Variants in CDC20B observed in about 807,000 individuals in gnomAD.
CDC20B encodes the protein cell division cycle 20B.
A neutral mutation model predicts 64.1 loss-of-function variants in CDC20B; 58 were observed. The ratio of observed to expected loss-of-function variants is 0.90; its 90% CI spans 0.73 to 1.13. The LOEUF (loss-of-function observed/expected upper bound fraction) is 1.13. CDC20B is among the 50% of genes most tolerant of loss of function. CDC20B has a pLI of 0.00. For missense variants in CDC20B, 597 were observed against 633.0 expected (o/e 0.94, Z 0.61); for synonymous variants, 243 against 230.6 (o/e 1.05, Z -0.49).
chr5:55,172,835 T>A, intron 1 of CDC20B, 103 bp downstream of exon 1: 2 of 1,187,572 alleles, frequency 1.7e-6, no homozygotes, highest in East Asian at 2.5e-5. Flanking sequence ...CGACCAGGGC[T>A]TAGAGTTTCG....
intron 2 of CDC20B, among the ~76,000 whole-genome samples, chr5:55,156,208 AG>A (rs2111916529): frequency 6.6e-6 from 1 of 152,270 alleles, no homozygotes; most frequent in African/African-American, 2.4e-5. Context: ...AGAACAGTAT[AG>A]GGGTAACTAC....
At chr5:55,149,673 A>C (rs1743606183) in intron 2 of CDC20B, among the ~76,000 whole-genome samples, 1 of 152,208 alleles carries the variant, frequency 6.6e-6, no homozygotes, top group Admixed American at 6.5e-5. Context: ...ATAGGCGGAG[A>C]ACACAGATTG....
chr5:55,152,735 T>C (rs907143626), intron 2 of CDC20B, among the ~76,000 whole-genome samples: 1 of 152,326 alleles, frequency 6.6e-6, no homozygotes, highest in Admixed American at 6.5e-5. Context: ...ACTTTTTTAC[T>C]TTCTCTCCTG....
chr5:55,163,583 T>C (rs1424811195), intron 2 of CDC20B, among the ~76,000 whole-genome samples: 2 of 151,978 alleles, frequency 1.3e-5, no homozygotes, highest in Non-Finnish European at 2.9e-5. Context: ...CTCAGCTCAC[T>C]GCAACCTCCA....
chr5:55,132,679 T>G (rs1293296179), intron 6 of CDC20B, among the ~76,000 whole-genome samples: 1 of 152,242 alleles, frequency 6.6e-6, no homozygotes, highest in African/African-American at 2.4e-5. Flanking sequence ...AATTTTCCTT[T>G]GATGTTTCTC....
chr5:55,164,196 T>TA lies in CDC20B; in HGVS notation c.126+8391dup, dbSNP rs1257310573. 12 of 1,555,942 alleles carry TA rather than the reference T, an allele frequency of 7.7e-6. No homozygotes were observed. The African/African-American group carries it at 1.1e-4, about 14-fold the overall frequency. ...GCAGCTCTGGTTAGACAAGTGATCA[T>TA]AAAAAAGAAAGAGGATCTATGAGAA... On this transcript the variant is annotated intron_variant, in intron 2 of 11. Transcript: ENST00000381375.
intron 6 of CDC20B, among the ~76,000 whole-genome samples, chr5:55,130,958 TA>T (rs1038158174): frequency 6.6e-6 from 1 of 151,670 alleles, no homozygotes; most frequent in African/African-American, 2.4e-5. Flanking sequence ...CCCATCTCTA[TA>T]AAAAATCAAA....
At chr5:55,166,353 C>T (rs1402567713) in intron 2 of CDC20B, 1 of 152,208 alleles carries the variant, frequency 6.6e-6, no homozygotes, top group Admixed American at 6.5e-5. Context: ...TTACATCTCT[C>T]TAATCTTGGC....
chr5:55,168,363 T>C (rs1438857256), intron 2 of CDC20B, among the ~76,000 whole-genome samples: 1 of 151,640 alleles, frequency 6.6e-6, no homozygotes, highest in Non-Finnish European at 1.5e-5. Flanking sequence ...TGGGAGAAAA[T>C]ACTTTGCCAT....
chr5:55,145,904 C>T (rs900555273), intron 3 of CDC20B, among the ~76,000 whole-genome samples: 2 of 151,790 alleles, frequency 1.3e-5, no homozygotes, highest in Non-Finnish European at 2.9e-5. Context: ...TATTCCATTA[C>T]TAACGCATAA....
intron 11 of CDC20B, among the ~76,000 whole-genome samples, chr5:55,118,674 C>T (rs1051018168): frequency 1.3e-5 from 2 of 152,164 alleles, no homozygotes; most frequent in Non-Finnish European, 2.9e-5. Flanking sequence ...TGAGGATTGA[C>T]TCATGCTCTT....
At chr5:55,148,439 C>T (rs540508201) in intron 2 of CDC20B, among the ~76,000 whole-genome samples, 10 of 152,304 alleles carry the variant, frequency 6.6e-5, no homozygotes, top group South Asian at 6.2e-4. Context: ...ATCAGCCGGC[C>T]GTGGCGGCTC....
intron 11 of CDC20B, 28 bp downstream of exon 11, chr5:55,119,773 A>G: frequency 7.4e-7 from 1 of 1,344,148 alleles, no homozygotes; most frequent in Non-Finnish European, 1.1e-6. Flanking sequence ...CTATAGGTGC[A>G]TGGCATTTTA....
chr5:55,155,793 C>T (rs1022800965), intron 2 of CDC20B, among the ~76,000 whole-genome samples: 4 of 152,168 alleles, frequency 2.6e-5, no homozygotes, highest in African/African-American at 9.7e-5. Context: ...TTCACTAAGA[C>T]TCTTCGCCTA....
At chr5:55,172,510 C>A (rs1744634275) in intron 2 of CDC20B, 78 bp downstream of exon 2, 1 of 1,197,928 alleles carries the variant, frequency 8.3e-7, no homozygotes, top group African/African-American at 1.5e-5. Flanking sequence ...AAACTTCCTA[C>A]AAATACATTA....
chr5:55,159,653 C>A (rs1168443767), intron 2 of CDC20B, among the ~76,000 whole-genome samples: 2 of 152,168 alleles, frequency 1.3e-5, no homozygotes, highest in East Asian at 1.9e-4. Flanking sequence ...GGGTAAATAG[C>A]CTTTTTCAGA....
chr5:55,149,456 C>T (rs538125062), intron 2 of CDC20B, among the ~76,000 whole-genome samples: 1 of 152,318 alleles, frequency 6.6e-6, no homozygotes, highest in African/African-American at 2.4e-5. Flanking sequence ...CCCAAACACT[C>T]ATCAACAGAT....
intron 2 of CDC20B, among the ~76,000 whole-genome samples, chr5:55,171,467 G>A (rs1744597462): frequency 6.6e-6 from 1 of 152,046 alleles, no homozygotes; most frequent in Non-Finnish European, 1.5e-5. Flanking sequence ...GTGTTTGGGG[G>A]AAAAAATCAA....
In CDC20B at chr5:55,114,490, AG is replaced by A. The variant is rs1178724580; in HGVS notation, c.1460-173del. Among the ~76,000 whole-genome samples the A allele has an allele frequency of 6.6e-6, 1 of 152,236 alleles. No individual in the cohort carries two copies. Among genetic ancestry groups the A allele is most frequent in the African/African-American group, 2.4e-5 (1 of 41,462 alleles). Reference sequence around the variant, plus strand: ...TGAGCCATGCTGGGAGACAGCAGTCAGGGCCGACTGGGACAGTTTTCTCCCT... The same window carrying A: ...TGAGCCATGCTGGGAGACAGCAGTCAGGCCGACTGGGACAGTTTTCTCCCT... On this transcript the variant is annotated intron_variant, in intron 11 of 11. Coordinates refer to ENST00000381375, the MANE Select transcript of CDC20B (RefSeq NM_001170402.1). This position sits in a 1 kb window ranked among gnomAD's most constrained non-coding sequence, Gnocchi z 4.1.
Sources: allele counts gnomAD v4.1 joint callset (sites outside exome capture counted in the v4.1 genomes callset), GRCh38; gene constraint gnomAD v4.1.1; non-coding constraint Gnocchi (gnomAD v3.1); transcripts MANE v1.5; gene names NCBI Gene and HGNC (gene_info 2026-07-23, HGNC 2026-07-21).